Variants in NUGGC observed in about 807,000 individuals in gnomAD.
The protein encoded by NUGGC is nuclear GTPase, germinal center associated.
In NUGGC, 58 loss-of-function variants were observed where a neutral mutation model predicts 92.6. That is an observed-to-expected ratio of 0.63 (90% CI 0.51 to 0.78). The LOEUF (loss-of-function observed/expected upper bound fraction) is 0.78, where lower values mean the gene tolerates loss of function less well. Ranked by LOEUF, NUGGC falls within the 30% of genes least tolerant of loss-of-function variation. The pLI is 0.00. For missense variants in NUGGC, 925 were observed against 964.6 expected (o/e 0.96, Z 0.54); for synonymous variants, 376 against 366.4 (o/e 1.03, Z -0.30).
chr8:28,025,688 G>T (rs557213099), intron 18 of NUGGC, among the ~76,000 whole-genome samples: 53 of 152,338 alleles, frequency 3.5e-4, no homozygotes, highest in African/African-American at 1.3e-3. Flanking sequence ...GGGTCATAAA[G>T]ATTCCCAGAG....
Position 28,052,874 on chromosome 8 carries a change from C to T in NUGGC, c.1206+3091G>A, listed in dbSNP as rs371116526. 8.5e-5 allele frequency among the ~76,000 whole-genome samples: 13 copies of T among 152,160 alleles called. No homozygotes were observed. In the East Asian group the frequency reaches 9.6e-4, roughly 11 times the overall value. On this transcript the variant is annotated intron_variant, in intron 10 of 18. Transcript: ENST00000413272. ...ATTGAAAGGTCAGCATTTTCCAGGC[C>T]GTTACATCGAAAGGCCTGGAAATGG...
chr8:28,034,251 C>T (rs553730343), intron 13 of NUGGC, among the ~76,000 whole-genome samples: 9 of 151,672 alleles, frequency 5.9e-5, no homozygotes, highest in Non-Finnish European at 8.8e-5. Flanking sequence ...TGTTTTTTTC[C>T]CAGGGAAATA....
intron 12 of NUGGC, among the ~76,000 whole-genome samples, chr8:28,043,717 T>A (rs1809756557): frequency 6.6e-6 from 1 of 152,300 alleles, no homozygotes; most frequent in African/African-American, 2.4e-5. Flanking sequence ...GCAAAATGCC[T>A]TGTCCTAATG....
chr8:28,070,946 T>G (rs1810576207), intron 2 of NUGGC, among the ~76,000 whole-genome samples: 1 of 151,342 alleles, frequency 6.6e-6, no homozygotes, highest in South Asian at 2.1e-4. Flanking sequence ...GGGCTATGAT[T>G]TTGCCACTGC....
At chr8:28,081,155 C>T (rs1011685536) in intron 1 of NUGGC, among the ~76,000 whole-genome samples, 7 of 151,962 alleles carry the variant, frequency 4.6e-5, no homozygotes, top group African/African-American at 1.7e-4. Flanking sequence ...CCTGTCTCTA[C>T]TAAAAATACA....
intron 7 of NUGGC, among the ~76,000 whole-genome samples, chr8:28,062,921 G>A (rs1299659087): frequency 2.6e-5 from 4 of 152,178 alleles, no homozygotes; most frequent in Admixed American, 1.3e-4. Context: ...AAAGCATTTC[G>A]ATAAAACCTG....
intron 13 of NUGGC, among the ~76,000 whole-genome samples, chr8:28,040,113 A>G (rs1306483109): frequency 1.3e-5 from 2 of 152,210 alleles, no homozygotes; most frequent in Non-Finnish European, 2.9e-5. Flanking sequence ...TTCAGCCTTC[A>G]GAACTATGGG....
At chr8:28,067,827 G>T in intron 5 of NUGGC, 83 bp from the exon 6 acceptor site, 1 of 1,026,120 alleles carries the variant, frequency 9.7e-7, no homozygotes, top group Non-Finnish European at 1.5e-6. Context: ...TGCCCCCTGT[G>T]GAGGGCCAGG....
intron 12 of NUGGC, among the ~76,000 whole-genome samples, 195 bp from the exon 13 acceptor site, chr8:28,041,410 C>G (rs1035005291): frequency 6.6e-6 from 1 of 152,214 alleles, no homozygotes; most frequent in African/African-American, 2.4e-5. Flanking sequence ...GAGAATAGAA[C>G]AAATACCTGC....
intron 8 of NUGGC, among the ~76,000 whole-genome samples, chr8:28,059,390 G>A (rs908275341): frequency 5.9e-5 from 9 of 152,150 alleles, no homozygotes; most frequent in African/African-American, 1.4e-4. Context: ...GGACAACAGA[G>A]CTCTCCATAG....
intron 2 of NUGGC, 116 bp downstream of exon 2, chr8:28,074,252 A>G (rs2130275003): frequency 2.7e-6 from 2 of 745,450 alleles, no homozygotes; most frequent in South Asian, 3.0e-5. Context: ...CACCTTCTGA[A>G]TAAAGAGTAA....
chr8:28,055,663 T>C (rs1279140812), intron 10 of NUGGC, among the ~76,000 whole-genome samples: 1 of 152,144 alleles, frequency 6.6e-6, no homozygotes, highest in Non-Finnish European at 1.5e-5. Context: ...TGCAATCCCA[T>C]CTCTACAAAA....
intron 2 of NUGGC, among the ~76,000 whole-genome samples, chr8:28,072,124 G>T (rs1468258521): frequency 6.6e-6 from 1 of 152,188 alleles, no homozygotes; most frequent in Non-Finnish European, 1.5e-5. Context: ...ATTTGCCAAG[G>T]CCTGAATCTC....
In NUGGC at chr8:28,059,300, C is replaced by A. The variant is rs145084759; in HGVS notation, c.1098-1024G>T. On this transcript the variant is annotated intron_variant, in intron 8 of 18. Transcript: ENST00000413272. ...AGCCCAGTTTATACCCGCTGATCCC[C>A]TCTAAGGACTAATCATACCCCCTCT... Among the ~76,000 whole-genome samples, 534 of 152,284 alleles carry A rather than the reference C, an allele frequency of 3.5e-3. 2 individuals are homozygous for A. Among genetic ancestry groups the A allele is most frequent in the African/African-American group, 0.012 (518 of 41,548 alleles).
chr8:28,036,891 C>T (rs1809567467), intron 13 of NUGGC, among the ~76,000 whole-genome samples: 1 of 152,152 alleles, frequency 6.6e-6, no homozygotes, highest in Non-Finnish European at 1.5e-5. Context: ...AGCATCATGA[C>T]TCAGCGGGTT....
intron 10 of NUGGC, among the ~76,000 whole-genome samples, chr8:28,047,854 T>G (rs1809880572): frequency 6.6e-6 from 1 of 152,226 alleles, no homozygotes; most frequent in African/African-American, 2.4e-5. Context: ...TAATATCAAT[T>G]CTAGAAGAAA....
intron 2 of NUGGC, among the ~76,000 whole-genome samples, chr8:28,071,078 GT>G (rs1810579977): frequency 1.3e-5 from 2 of 152,092 alleles, no homozygotes; most frequent in Admixed American, 1.3e-4. Context: ...GATCATTCCA[GT>G]TTGGTTCCTA....
chr8:28,061,386 T>A (rs1810301628), intron 7 of NUGGC, among the ~76,000 whole-genome samples: 1 of 152,238 alleles, frequency 6.6e-6, no homozygotes, highest in African/African-American at 2.4e-5. Context: ...TCTCTAATTG[T>A]ATTGTTACTC....
intron 11 of NUGGC, among the ~76,000 whole-genome samples, chr8:28,046,356 C>T (rs1406212341): frequency 6.6e-6 from 1 of 152,322 alleles, no homozygotes; most frequent in Non-Finnish European, 1.5e-5. Flanking sequence ...AATGCATGCA[C>T]GTTGCAAGCC....
Sources: allele counts gnomAD v4.1 joint callset (sites outside exome capture counted in the v4.1 genomes callset), GRCh38; gene constraint gnomAD v4.1.1; transcripts MANE v1.5; gene names NCBI Gene and HGNC (gene_info 2026-07-23, HGNC 2026-07-21).